Variants in MTCL1 observed in about 807,000 individuals in gnomAD.
The protein encoded by MTCL1 is microtubule crosslinking factor 1, also known as microtubule cross-linking factor 1.
MTCL1 carries 79 observed loss-of-function variants against 141.4 expected under a neutral mutation model. The ratio of observed to expected loss-of-function variants is 0.56; its 90% confidence interval spans 0.47 to 0.67. MTCL1 has a LOEUF of 0.67. Among genes scored for constraint, MTCL1 ranks in the 30% least tolerant of loss-of-function variants. The pLI is 0.00. For synonymous variants in MTCL1, 914 were observed against 875.8 expected, an observed-to-expected ratio of 1.04 and a Z score of -0.77; for missense variants, 2,177 against 2,113.9, an observed-to-expected ratio of 1.03 and a Z score of -0.59.
At chr18:8,825,561 G>A in exon 15 of MTCL1, 1 of 1,613,154 alleles carries the variant, frequency 6.2e-7, no homozygotes, top group Non-Finnish European at 8.5e-7. Flanking sequence ...CACTCCAAAG[G>A]CTGGGGGCGG....
At chr18:8,767,024 G>C (rs1454380673) in intron 4 of MTCL1, among the ~76,000 whole-genome samples, 1 of 152,232 alleles carries the variant, frequency 6.6e-6, no homozygotes, top group Non-Finnish European at 1.5e-5. Context: ...TGCATCCTGT[G>C]CCTCTCCCTG....
intron 4 of MTCL1, among the ~76,000 whole-genome samples, chr18:8,728,201 GTTAAT>G (rs1213703416): frequency 6.6e-6 from 1 of 152,104 alleles, no homozygotes; most frequent in African/African-American, 2.4e-5. Context: ...TTAATTTACA[GTTAAT>G]TTAATTGCCT....
exon 15 of MTCL1, chr18:8,825,129 G>A (rs1427419241): frequency 1.3e-6 from 2 of 1,590,482 alleles, no homozygotes; most frequent in Non-Finnish European, 1.7e-6. Flanking sequence ...CAGCATCACG[G>A]CGGCAGGTGG....
chr18:8,818,865 A>T, intron 12 of MTCL1, 98 bp from the exon 12 acceptor site: 1 of 1,190,372 alleles, frequency 8.4e-7, no homozygotes, highest in South Asian at 1.5e-5. Context: ...TTTCAAACTG[A>T]CCTATGTGTA....
chr18:8,797,513 G>C (rs1373111385), intron 9 of MTCL1, among the ~76,000 whole-genome samples: 2 of 152,338 alleles, frequency 1.3e-5, no homozygotes, highest in East Asian at 3.9e-4. Context: ...TGTGTATTCT[G>C]TACATCACTG....
At chr18:8,741,301 A>G (rs887793150) in intron 4 of MTCL1, among the ~76,000 whole-genome samples, 4 of 152,250 alleles carry the variant, frequency 2.6e-5, no homozygotes, top group African/African-American at 7.2e-5. Flanking sequence ...CCTGCCGTCC[A>G]TGTGGAATTA....
At chr18:8,786,115 C>CCCT (rs754805748) in intron 7 of MTCL1, 24 bp downstream of exon 6, 1 of 1,388,264 alleles carries the variant, frequency 7.2e-7, no homozygotes. Context: ...AGCAATCCCC[C>CCCT]CCCCCCGCCC....
chr18:8,767,232 T>A (rs1567998615), intron 4 of MTCL1, among the ~76,000 whole-genome samples: 2 of 152,192 alleles, frequency 1.3e-5, no homozygotes, highest in African/African-American at 4.8e-5. Context: ...TGCTTGGAGA[T>A]GAGAATTGCT....
exon 17 of MTCL1, chr18:8,831,635 C>G: frequency 6.4e-7 from 1 of 1,550,578 alleles, no homozygotes; most frequent in Admixed American, 2.0e-5. Context: ...CTAGCTCCAT[C>G]CCTAGAGCCC....
At chr18:8,715,604 C>T (rs1312922049), upstream of MTCL1, among the ~76,000 whole-genome samples, 1 of 152,204 alleles carries the variant, frequency 6.6e-6, no homozygotes, top group African/African-American at 2.4e-5. Flanking sequence ...CCTCTTTACT[C>T]AGAAACAAGC....
At chr18:8,727,910 CTT>C (rs1165924441) in intron 4 of MTCL1, among the ~76,000 whole-genome samples, 1 of 140,624 alleles carries the variant, frequency 7.1e-6, no homozygotes, top group Non-Finnish European at 1.6e-5. Flanking sequence ...CTCTCTCTCT[CTT>C]TCTTTGACTT....
intron 7 of MTCL1, among the ~76,000 whole-genome samples, chr18:8,791,160 A>G (rs1473312851): frequency 1.3e-5 from 2 of 152,230 alleles, no homozygotes; most frequent in Non-Finnish European, 2.9e-5. Context: ...GCCTGGGCCC[A>G]ACATTGCAGG....
chr18:8,731,207 T>C (rs894396584), intron 4 of MTCL1, among the ~76,000 whole-genome samples: 4 of 151,846 alleles, frequency 2.6e-5, no homozygotes, highest in Non-Finnish European at 5.9e-5. Flanking sequence ...ATTGTGCCAC[T>C]GCACTCCAGC....
At chr18:8,792,266 C>G (rs1451460131) in intron 7 of MTCL1, among the ~76,000 whole-genome samples, 2 of 152,210 alleles carry the variant, frequency 1.3e-5, no homozygotes, top group Non-Finnish European at 2.9e-5. Context: ...CTAAAAAGCA[C>G]ATTTCATGTG....
chr18:8,718,325 T>G lies in MTCL1; in HGVS notation c.-27-99T>G. On this transcript the variant is annotated intron_variant, in intron 2 of 16. Coordinates refer to ENST00000359865, the Ensembl canonical transcript of MTCL1. ...ATGAGGTGATGGGTAAGCGTGTAGG[T>G]ATTCAATATTTAGTATTGAGGAGCG... The G allele has an allele frequency of 5.1e-6, 6 of 1,169,524 alleles. No homozygotes were observed. In the South Asian group the frequency reaches 7.0e-5, roughly 14 times the overall value. The allele number at this position is 1,169,524 out of a possible 1,614,324, so 72.4% of individuals were successfully genotyped here. A position where few individuals can be genotyped will look rare whatever the true frequency, so the allele number is the denominator to read the frequency against.
intron 1 of MTCL1, among the ~76,000 whole-genome samples, chr18:8,708,057 C>T (rs2096067508): frequency 6.6e-6 from 1 of 152,204 alleles, no homozygotes; most frequent in African/African-American, 2.4e-5. Flanking sequence ...AGGTAATAGA[C>T]AACGGAGTGA....
chr18:8,762,587 G>A (rs74362032), intron 4 of MTCL1, among the ~76,000 whole-genome samples: 6,516 of 152,348 alleles, frequency 0.043, 481 homozygotes, highest in African/African-American at 0.15. Context: ...AGTTTCCTAC[G>A]TGGAGTGAGG....
exon 13 of MTCL1, chr18:8,819,029 C>G (rs371223585): frequency 1.2e-6 from 2 of 1,614,158 alleles, no homozygotes; most frequent in African/African-American, 2.7e-5. Context: ...CGGCAACGTT[C>G]GCCCCTTTCC....
chr18:8,786,258 C>A, intron 7 of MTCL1, 167 bp downstream of exon 6: 1 of 820,004 alleles, frequency 1.2e-6, no homozygotes, highest in South Asian at 1.4e-5. Context: ...GGCACTGGGA[C>A]AGGCAGGTGT....
Sources: allele counts gnomAD v4.1 joint callset (sites outside exome capture counted in the v4.1 genomes callset), GRCh38; gene constraint gnomAD v4.1.1; transcripts MANE v1.5; gene names NCBI Gene and HGNC (gene_info 2026-07-23, HGNC 2026-07-21).